The following PCDHGA5 variants were observed in gnomAD, a reference collection of about 807,000 sequenced individuals.
PCDHGA5 encodes the protein protocadherin gamma-A5.
PCDHGA5 carries 36 observed loss-of-function variants against 56.7 expected under a neutral mutation model. The ratio of observed to expected loss-of-function variants is 0.64; its 90% CI spans 0.49 to 0.84. The LOEUF is 0.84. Ranked by LOEUF, PCDHGA5 falls within the 40% of genes least tolerant of loss-of-function variation. The pLI is 0.00. For synonymous variants in PCDHGA5, 563 were observed against 520.2 expected (o/e 1.08, Z -1.12); for missense variants, 1,305 against 1,201.5 (o/e 1.09, Z -1.27).
intron 1 of PCDHGA5, chr5:141,393,751 C>A (rs1159377259): frequency 6.2e-7 from 1 of 1,613,846 alleles, no homozygotes; most frequent in Non-Finnish European, 8.5e-7. Flanking sequence ...GAAGAATGTT[C>A]ATTTTATGAA....
At chr5:141,380,342 T>C (rs1288076589) in intron 1 of PCDHGA5, among the ~76,000 whole-genome samples, 1 of 152,198 alleles carries the variant, frequency 6.6e-6, no homozygotes, top group Admixed American at 6.5e-5. Context: ...CAAAGAACTG[T>C]TTTGTTGTTT....
rs773232677 is a variant in PCDHGA5, at chr5:141,490,388, G to A, written c.2422-4419G>A. 2 of 1,614,206 alleles carry A rather than the reference G, an allele frequency of 1.2e-6. No homozygotes were observed. The highest frequency in any genetic ancestry group is 2.2e-5 in the East Asian group (1 of 44,878). The stretch of plus-strand genomic sequence containing the variant: ...CGAGACCGGGACTCAGGTAGAAATG[G>A]TGAAGTGAGCCTTGATATCTCTCCG... On this transcript the variant is annotated intron_variant, in intron 1 of 3. Transcript: ENST00000518069. The surrounding 1 kb of genome is among the most constrained non-coding windows in gnomAD (Gnocchi z 5.4).
chr5:141,509,882 GTGAC>G (rs1186067105), intron 3 of PCDHGA5, among the ~76,000 whole-genome samples: 1 of 152,182 alleles, frequency 6.6e-6, no homozygotes, highest in Non-Finnish European at 1.5e-5. Context: ...GGTGGTGATG[GTGAC>G]TGACTGTCCC....
chr5:141,414,908 G>A (rs758472270), intron 1 of PCDHGA5: 19 of 1,614,188 alleles, frequency 1.2e-5, no homozygotes, highest in Non-Finnish European at 1.6e-5. Flanking sequence ...GGTTCCACAG[G>A]CGTGGAGCTG....
At chr5:141,395,648 T>G (rs2093296043) in intron 1 of PCDHGA5, 1 of 167,156 alleles carries the variant, frequency 6.0e-6, no homozygotes, top group South Asian at 1.9e-4. Context: ...GTTATTAGCT[T>G]AGCAAAAGTA....
chr5:141,375,184 C>A (rs757225197), intron 1 of PCDHGA5: 23 of 1,613,856 alleles, frequency 1.4e-5, no homozygotes, highest in Middle Eastern at 1.6e-4. Context: ...CAGTAATCGC[C>A]CTTTTTCAAG....
At position 141,399,280 on chromosome 5, in the gene PCDHGA5, G is replaced by A. The variant is rs750453381; in HGVS notation, c.2421+32529G>A. ...GGAGGTTAATTGTCAATTACAAGGCGAAGTCCCTTTTAAGATTATCTCTTC... is the reference window on the plus strand; with the variant it reads ...GGAGGTTAATTGTCAATTACAAGGCAAAGTCCCTTTTAAGATTATCTCTTC... On this transcript the variant is annotated intron_variant, in intron 1 of 3. Coordinates refer to ENST00000518069, the MANE Select transcript of PCDHGA5 (RefSeq NM_018918.3). 20 of 1,613,836 alleles carry A rather than the reference G, an allele frequency of 1.2e-5. No homozygotes were observed. The highest frequency in any genetic ancestry group is 3.3e-4 in the Middle Eastern group (2 of 6,060).
rs777133589 is a variant in PCDHGA5, at chr5:141,390,020, C to G, written c.2421+23269C>G. The stretch of plus-strand genomic sequence containing the variant: ...CCATGATTCTGGCCATTGCCTTGCG[C>G]CTGCGACGCTCCTCCAGCCCCGCCT... On this transcript the variant is annotated intron_variant, in intron 1 of 3. Transcript: ENST00000518069. 4 of 1,613,930 alleles carry G rather than the reference C, an allele frequency of 2.5e-6. No homozygotes were observed. The African/African-American group carries it at 5.3e-5, about 22-fold the overall frequency.
intron 1 of PCDHGA5, chr5:141,409,386 A>C (rs369240403): frequency 1.2e-6 from 2 of 1,613,914 alleles, no homozygotes; most frequent in African/African-American, 2.7e-5. Flanking sequence ...TTCAAGATTT[A>C]TTCTTCTTCC....
At chr5:141,383,396 C>G (rs749879106) in intron 1 of PCDHGA5, 3 of 1,614,028 alleles carry the variant, frequency 1.9e-6, no homozygotes, top group Non-Finnish European at 2.5e-6. Context: ...GGCACGAACT[C>G]CCTCCAGAGT....
rs562872139 is a variant in PCDHGA5 at position 141,408,923 on chromosome 5, G to A, written c.2421+42172G>A. The A allele has an allele frequency of 5.6e-6, 9 of 1,613,488 alleles. No individual in the cohort carries two copies. The African/African-American group carries it at 1.1e-4, about 19-fold the overall frequency. ...CAAGGATACCAATGATAACCCCCCG[G>A]TTTTCAGCAGAGACGAATATAGAAT... On this transcript the variant is annotated intron_variant, in intron 1 of 3. Coordinates refer to ENST00000518069, the MANE Select transcript of PCDHGA5 (RefSeq NM_018918.3).
chr5:141,489,088 G>GCCAA lies in PCDHGA5; in HGVS notation c.2422-5719_2422-5718insCCAA. The GCCAA allele has an allele frequency of 2.9e-6, 1 of 347,240 alleles. No individual in the cohort carries two copies. Among genetic ancestry groups the GCCAA allele is most frequent in the Non-Finnish European group, 5.0e-6 (1 of 200,708 alleles). The allele number at this position is 347,240 out of a possible 1,614,324, so 21.5% of individuals were successfully genotyped here. A position where few individuals can be genotyped will look rare whatever the true frequency, so the allele number is the denominator to read the frequency against. ...CCCCTGCCCACCCCCGCCACTCGGT[G>GCCAA]ACTAAGAACTGCTGCAAGCAGGCAA... On this transcript the variant is annotated intron_variant, in intron 1 of 3. Transcript: ENST00000518069. This position sits in a 1 kb window ranked among gnomAD's most constrained non-coding sequence, Gnocchi z 4.5.
chr5:141,440,671 T>C (rs2098194169), intron 1 of PCDHGA5: 1 of 152,210 alleles, frequency 6.6e-6, no homozygotes, highest in African/African-American at 2.4e-5. Context: ...CAACTCTATA[T>C]TTCTCTTTGA....
At chr5:141,481,465 T>C (rs561789315) in intron 1 of PCDHGA5, among the ~76,000 whole-genome samples, 2 of 152,334 alleles carry the variant, frequency 1.3e-5, no homozygotes, top group South Asian at 2.1e-4. Context: ...CTGAAAACCA[T>C]TGGATTATAC....
At position 141,491,039 on chromosome 5, in the gene PCDHGA5, G is replaced by T; in HGVS notation, c.2422-3768G>T. 1 of 1,614,180 alleles carries T rather than the reference G, an allele frequency of 6.2e-7. No individual in the cohort carries two copies. The highest frequency in any genetic ancestry group is 1.1e-5 in the South Asian group (1 of 91,090). ...GTGACAGCCGTGGATGCTGATGCAGGCCACAATGCGTGGCTCTCCTACTCA... is the reference window on the plus strand; with the variant it reads ...GTGACAGCCGTGGATGCTGATGCAGTCCACAATGCGTGGCTCTCCTACTCA... On this transcript the variant is annotated intron_variant, in intron 1 of 3. Transcript: ENST00000518069. The surrounding 1 kb of genome is among the most constrained non-coding windows in gnomAD (Gnocchi z 6.9).
In PCDHGA5 at chr5:141,476,990, C is replaced by A; in HGVS notation, c.2422-17817C>A. On this transcript the variant is annotated intron_variant, in intron 1 of 3. Coordinates refer to ENST00000518069, the MANE Select transcript of PCDHGA5 (RefSeq NM_018918.3). The surrounding 1 kb of genome is among the most constrained non-coding windows in gnomAD (Gnocchi z 7.6). Reference sequence around the variant, plus strand: ...CGGCAGCCACAACCGCGCCGGCGTGCGGCAACTATTCGCCTTAGACCTTGT... The same window carrying A: ...CGGCAGCCACAACCGCGCCGGCGTGAGGCAACTATTCGCCTTAGACCTTGT... The A allele has an allele frequency of 6.2e-7, 1 of 1,614,220 alleles. No individual in the cohort carries two copies. Among genetic ancestry groups the A allele is most frequent in the South Asian group, 1.1e-5 (1 of 91,090 alleles).
chr5:141,393,220 A>G (rs2092705422), intron 1 of PCDHGA5: 15 of 1,613,684 alleles, frequency 9.3e-6, no homozygotes, highest in Non-Finnish European at 1.3e-5. Context: ...TTCCAGGTCG[A>G]AGATCTAGAA....
chr5:141,383,979 A>C (rs1388219452), intron 1 of PCDHGA5: 1 of 1,613,678 alleles, frequency 6.2e-7, no homozygotes, highest in Non-Finnish European at 8.5e-7. Context: ...CTGAAGACAC[A>C]CCTCTTGGGA....
In PCDHGA5 at chr5:141,471,825, A is replaced by G. The variant is rs150400990; in HGVS notation, c.2422-22982A>G. Among the ~76,000 whole-genome samples, 61 of 152,344 alleles carry G rather than the reference A, an allele frequency of 4.0e-4. No individual in the cohort carries two copies. In the East Asian group the frequency reaches 0.011, roughly 27 times the overall value. ...ACATATAAAAGACTACCTATTTTAT[A>G]ATTCCTTTTTAATAAAATATTCAGA... On this transcript the variant is annotated intron_variant, in intron 1 of 3. Coordinates refer to ENST00000518069, the MANE Select transcript of PCDHGA5 (RefSeq NM_018918.3).
Sources: allele counts gnomAD v4.1 joint callset (sites outside exome capture counted in the v4.1 genomes callset), GRCh38; gene constraint gnomAD v4.1.1; non-coding constraint Gnocchi (gnomAD v3.1); transcripts MANE v1.5; gene names NCBI Gene and HGNC (gene_info 2026-07-23, HGNC 2026-07-21).